APOBR: variants seen among roughly 807,000 people sequenced by gnomAD.
APOBR encodes the protein apolipoprotein B receptor, also known as apoB-48R.
A neutral mutation model predicts 88.5 loss-of-function variants in APOBR; 57 were observed. The ratio of observed to expected loss-of-function variants is 0.64; its 90% CI spans 0.52 to 0.80. APOBR has a LOEUF of 0.80. Among genes scored for constraint, APOBR ranks in the 30% least tolerant of loss-of-function variants. The pLI is 0.00. For missense variants in APOBR, 1,443 were observed against 1,401.6 expected, an observed-to-expected ratio of 1.03 and a Z score of -0.47; for synonymous variants, 588 against 572.7, an observed-to-expected ratio of 1.03 and a Z score of -0.38.
At position 28,495,945 on chromosome 16, in the gene APOBR, A is replaced by C; in HGVS notation, c.904A>C (p.Arg302=). ...GGCAATTTTAGATGGGGAGGAAGCC[A>C]GGACAATCTCAGGCGGGGAGGAGGC... The part of the protein sequence containing the change: ...ARAILDGEEA[R]TISGGEEAET... Residue 302 remains arginine, a synonymous_variant, in exon 2 of 4, where the codon AGG becomes CGG. Coordinates refer to ENST00000564831, the MANE Select transcript of APOBR (RefSeq NM_018690.4). 1 of 1,606,838 alleles carries C rather than the reference A, an allele frequency of 6.2e-7. No individual in the cohort carries two copies. Among genetic ancestry groups the C allele is most frequent in the Non-Finnish European group, 8.5e-7 (1 of 1,179,524 alleles).
rs188850947 is a variant in APOBR, at chr16:28,495,683, G to T, written c.642G>T (p.Gly214=). 2.5e-5 allele frequency: 39 copies of T among 1,535,420 alleles called. No individual in the cohort carries two copies. Among genetic ancestry groups the T allele is most frequent in the Middle Eastern group, 1.7e-4 (1 of 5,848 alleles). Residue 214 remains glycine (G), a synonymous_variant, in exon 2 of 4, where the codon GGG becomes GGT. Coordinates refer to ENST00000564831, the MANE Select transcript of APOBR (RefSeq NM_018690.4). ...GETEGKAGAV[G]PKAAGDNREM... Reference sequence around the variant, plus strand: ...CGGAGGGGAAGGCTGGTGCTGTTGGGCCAAAGGCGGCAGGGGACAACCGGG... The same window carrying T: ...CGGAGGGGAAGGCTGGTGCTGTTGGTCCAAAGGCGGCAGGGGACAACCGGG...
chr16:28,495,676 C>T lies in APOBR; in HGVS notation c.635C>T (p.Ala212Val). 1.9e-6 allele frequency: 3 copies of T among 1,538,888 alleles called. No homozygotes were observed. The highest frequency in any genetic ancestry group is 2.6e-6 in the Non-Finnish European group (3 of 1,139,890). ...GGGGAGACGGAGGGGAAGGCTGGTG[C>T]TGTTGGGCCAAAGGCGGCAGGGGAC... ...WHGETEGKAG[A>V]VGPKAAGDNR... Residue 212 changes from alanine to valine, a missense_variant, in exon 2 of 4, where the codon GCT becomes GTT. Physicochemically the swap from Ala to Val is moderately conservative, Grantham distance 64. Coordinates refer to ENST00000564831, the MANE Select transcript of APOBR (RefSeq NM_018690.4).
Position 28,495,576 on chromosome 16 carries a change from G to A in APOBR, c.535G>A (p.Glu179Lys). The A allele has an allele frequency of 2.2e-6, 3 of 1,365,452 alleles. No homozygotes were observed. The highest frequency in any genetic ancestry group is 1.3e-5 in the South Asian group (1 of 75,526). The allele number at this position is 1,365,452 out of a possible 1,614,324, so 84.6% of individuals were successfully genotyped here. A position where few individuals can be genotyped will look rare whatever the true frequency, so the allele number is the denominator to read the frequency against. The change falls in exon 2 of 4, where the codon GAG becomes AAG. Residue 179 changes from glutamate (E) to lysine (K), a missense_variant. By Grantham distance (56) the Glu-to-Lys change is moderately conservative (BLOSUM62 1). Transcript: ENST00000564831. ...REERLRSWEQ[E>K]EEEEEVRARE... ...AGAGAGGCTGAGAAGCTGGGAACAG[G>A]AGGAGGAGGAGGAAGAGGTCAGGGC...
In APOBR at chr16:28,498,611, C is replaced by T. The variant is rs1379237019; in HGVS notation, c.*106C>T. On this transcript the variant is annotated 3_prime_UTR_variant, in exon 4 of 4. Coordinates refer to ENST00000564831, the MANE Select transcript of APOBR (RefSeq NM_018690.4). ...TGCCACTGTGGACACATCCTCTCCA[C>T]CCTCTGGGCCTCAGTGTCTTGATGT... The T allele has an allele frequency of 3.1e-6, 4 of 1,275,472 alleles. No individual in the cohort carries two copies. In the South Asian group the frequency reaches 4.2e-5, roughly 13 times the overall value. 79.0% of individuals were successfully genotyped at this position (1,275,472 alleles called of 1,614,324 possible). A position where few individuals can be genotyped will look rare whatever the true frequency, so the allele number is the denominator to read the frequency against.
In APOBR at chr16:28,498,107, C is replaced by A; in HGVS notation, c.2982C>A (p.Asp994Glu). The A allele has an allele frequency of 6.3e-7, 1 of 1,579,192 alleles. No homozygotes were observed. Among genetic ancestry groups the A allele is most frequent in the Non-Finnish European group, 8.6e-7 (1 of 1,167,150 alleles). The change falls in exon 3 of 4, where the codon GAC becomes GAA. Residue 994 changes from aspartate to glutamate, a missense_variant. By Grantham distance (45) the Asp-to-Glu change is conservative (BLOSUM62 2). Transcript: ENST00000564831. ...SEAPLPGSLL[D>E]VSVPRSRVHL... Reference sequence around the variant, plus strand: ...CCCCGCTCCCCGGGTCCCTCCTAGACGTCTCTGTCCCAAGGAGTCGCGTGC... The same window carrying A: ...CCCCGCTCCCCGGGTCCCTCCTAGAAGTCTCTGTCCCAAGGAGTCGCGTGC...
chr16:28,498,216 G>T lies in APOBR; in HGVS notation c.3091G>T (p.Ala1031Ser), dbSNP rs2046409261. 1 of 1,607,274 alleles carries T rather than the reference G, an allele frequency of 6.2e-7. No individual in the cohort carries two copies. Residue 1031 changes from alanine to serine, a missense_variant, in exon 3 of 4, where the codon GCC becomes TCC. Physicochemically the swap from Ala to Ser is moderately conservative, Grantham distance 99. Transcript: ENST00000564831. ...PAWEQQEEPP[A>S]PNPPEEELSA... ...CTGGGAGCAGCAGGAGGAGCCCCCA[G>T]CCCCCAACCCTCCTGAGGAGGAGCT...
chr16:28,498,341 G>A lies in APOBR; in HGVS notation c.3216G>A (p.Leu1072=). The change falls in exon 3 of 4, where the codon CTG becomes CTA. Residue 1072 remains leucine (L), a synonymous_variant. Coordinates refer to ENST00000564831, the MANE Select transcript of APOBR (RefSeq NM_018690.4). Reference sequence around the variant, plus strand: ...CGGTGCCAGCCAGGAGAAGGCCCCTGGGACACGGGTAGGCACAGGGCAACT... The same window carrying A: ...CGGTGCCAGCCAGGAGAAGGCCCCTAGGACACGGGTAGGCACAGGGCAACT... ...GTPVPARRRP[L]GHGFGLAHPG... The A allele has an allele frequency of 1.9e-6, 3 of 1,597,188 alleles. No homozygotes were observed. Among genetic ancestry groups the A allele is most frequent in the Non-Finnish European group, 1.7e-6 (2 of 1,170,094 alleles).
Position 28,496,197 on chromosome 16 carries a change from G to A in APOBR, c.1156G>A (p.Val386Ile). Residue 386 changes from valine (V) to isoleucine (I), a missense_variant, in exon 2 of 4, where the codon GTC (valine) becomes ATC (isoleucine). Transcript: ENST00000564831. ...CAAAGAGGAGGCTGACCTGCTGGGA[G>A]TCAGACAGACAGAATATGGAGCAGT... ...SGKEEADLLG[V>I]RQTEYGAVPG... 6.3e-7 allele frequency: 1 copy of A among 1,576,462 alleles called. No individual in the cohort carries two copies. The highest frequency in any genetic ancestry group is 8.6e-7 in the Non-Finnish European group (1 of 1,163,154).
In APOBR at chr16:28,498,266, C is replaced by T. The variant is rs1488670222; in HGVS notation, c.3141C>T (p.Leu1047=). ...EELSAPEQRP[L]QLEEPLEPSP... Reference sequence around the variant, plus strand: ...TGTCAGCTCCTGAGCAGAGACCCCTCCAGCTGGAGGAACCCCTGGAGCCAA... The same window carrying T: ...TGTCAGCTCCTGAGCAGAGACCCCTTCAGCTGGAGGAACCCCTGGAGCCAA... The change falls in exon 3 of 4, where the codon CTC becomes CTT. Residue 1047 remains leucine, a synonymous_variant. Coordinates refer to ENST00000564831, the MANE Select transcript of APOBR (RefSeq NM_018690.4). 1 of 1,605,368 alleles carries T rather than the reference C, an allele frequency of 6.2e-7. No individual in the cohort carries two copies. Among genetic ancestry groups the T allele is most frequent in the African/African-American group, 1.3e-5 (1 of 74,714 alleles).
Sources: allele counts gnomAD v4.1 joint callset, GRCh38; gene constraint gnomAD v4.1.1; transcripts MANE v1.5; gene names NCBI Gene and HGNC (gene_info 2026-07-23, HGNC 2026-07-21).